PLCL1: variants seen among roughly 807,000 people sequenced by gnomAD.
PLCL1 encodes inactive phospholipase C-like protein 1.
PLCL1 carries 41 observed loss-of-function variants against 84.4 expected under a neutral mutation model. That is an observed-to-expected ratio of 0.49 (90% CI 0.38 to 0.63). The LOEUF (loss-of-function observed/expected upper bound fraction) is 0.63. Ranked by LOEUF, PLCL1 falls within the 30% of genes least tolerant of loss-of-function variation. The pLI, the probability that PLCL1 is intolerant of heterozygous loss-of-function variation, is 0.00. For missense variants in PLCL1, 1,206 were observed against 1,367.8 expected (o/e 0.88, Z 1.87); for synonymous variants, 490 against 488.3 (o/e 1.00, Z -0.05).
intron 1 of PLCL1, chr2:197,810,437 G>C: frequency 2.6e-6 from 1 of 377,886 alleles, no homozygotes; most frequent in Middle Eastern, 8.8e-4. Context: ...ATATATTAAG[G>C]CTAAAAAAAG....
chr2:197,887,989 G>A (rs1687952217), intron 1 of PLCL1, among the ~76,000 whole-genome samples: 1 of 151,986 alleles, frequency 6.6e-6, no homozygotes, highest in Non-Finnish European at 1.5e-5. Flanking sequence ...GTACTTGGGA[G>A]GCTGAAGTAG....
At chr2:197,897,098 CCTTCTT>C (rs1156287674) in intron 1 of PLCL1, among the ~76,000 whole-genome samples, 22 of 117,874 alleles carry the variant, frequency 1.9e-4, no homozygotes, top group East Asian at 3.0e-4. Context: ...AAGTATGACT[CCTTCTT>C]CTTCTTCTTC....
At chr2:197,896,189 A>T (rs1161460685) in intron 1 of PLCL1, among the ~76,000 whole-genome samples, 1 of 151,928 alleles carries the variant, frequency 6.6e-6, no homozygotes, top group Admixed American at 6.6e-5. Context: ...TTCTGTTAAT[A>T]CTCTGAATTT....
At chr2:198,021,608 A>G (rs1456574875) in intron 1 of PLCL1, among the ~76,000 whole-genome samples, 1 of 152,240 alleles carries the variant, frequency 6.6e-6, no homozygotes, top group Non-Finnish European at 1.5e-5. Context: ...GGAGAATACT[A>G]TAAACACCTC....
chr2:198,133,907 G>T (rs1292173641), intron 5 of PLCL1, among the ~76,000 whole-genome samples: 1 of 152,174 alleles, frequency 6.6e-6, no homozygotes, highest in Non-Finnish European at 1.5e-5. Context: ...TATATCAGAT[G>T]CAATTCCTGA....
At chr2:197,923,315 C>A (rs1237955622) in intron 1 of PLCL1, among the ~76,000 whole-genome samples, 1 of 148,660 alleles carries the variant, frequency 6.7e-6, no homozygotes, top group African/African-American at 2.5e-5. Flanking sequence ...CTCCTCACTT[C>A]CCAGATGGGG....
chr2:197,943,196 CAAAAAAAAAA>C (rs869096042), intron 1 of PLCL1, among the ~76,000 whole-genome samples: 1 of 104,956 alleles, frequency 9.5e-6, no homozygotes, highest in Non-Finnish European at 2.0e-5. Context: ...GACCCTCTCT[CAAAAAAAAAA>C]AAAAAAAAAA....
chr2:197,822,543 C>T (rs1239454317), intron 1 of PLCL1, among the ~76,000 whole-genome samples: 1 of 152,168 alleles, frequency 6.6e-6, no homozygotes, highest in Non-Finnish European at 1.5e-5. Context: ...GTTCCAGACA[C>T]TGTTCTAAGC....
intron 1 of PLCL1, among the ~76,000 whole-genome samples, chr2:197,947,724 C>T (rs1181798234): frequency 6.6e-6 from 1 of 152,152 alleles, no homozygotes; most frequent in African/African-American, 2.4e-5. Context: ...TGATTATCCT[C>T]TGCTCTGAGT....
intron 1 of PLCL1, among the ~76,000 whole-genome samples, chr2:197,815,004 A>T (rs1212058627): frequency 6.6e-6 from 1 of 152,212 alleles, no homozygotes; most frequent in Non-Finnish European, 1.5e-5. Context: ...AAGGTGAAGC[A>T]GCAAGTGCTG....
At chr2:197,867,822 G>A (rs901103003) in intron 1 of PLCL1, among the ~76,000 whole-genome samples, 8 of 152,108 alleles carry the variant, frequency 5.3e-5, no homozygotes, top group African/African-American at 1.9e-4. Context: ...CAATTCCTTA[G>A]AGATGTCACT....
intron 1 of PLCL1, among the ~76,000 whole-genome samples, chr2:198,069,899 A>C (rs895865036): frequency 6.6e-6 from 1 of 152,192 alleles, no homozygotes; most frequent in Non-Finnish European, 1.5e-5. Flanking sequence ...AGTTCAGATA[A>C]GGACCCTCTA....
Position 198,078,960 on chromosome 2 carries a change from A to G in PLCL1, c.241-4798A>G, listed in dbSNP as rs140936495. On this transcript the variant is annotated intron_variant, in intron 1 of 5. Coordinates refer to ENST00000428675, the MANE Select transcript of PLCL1 (RefSeq NM_006226.4). ...TAAGTACATAACCATTTCTAAGTGTATAAGCATTAGGTAGATTCACATTTT... is the reference window on the plus strand; with the variant it reads ...TAAGTACATAACCATTTCTAAGTGTGTAAGCATTAGGTAGATTCACATTTT... 3.2e-3 allele frequency among the ~76,000 whole-genome samples: 492 copies of G among 152,206 alleles called. 2 individuals are homozygous for G. Among genetic ancestry groups the G allele is most frequent in the African/African-American group, 0.011 (466 of 41,560 alleles).
intron 5 of PLCL1, among the ~76,000 whole-genome samples, chr2:198,138,253 T>A (rs558970125): frequency 6.6e-6 from 1 of 152,120 alleles, no homozygotes; most frequent in Non-Finnish European, 1.5e-5. Flanking sequence ...GAACTTACAG[T>A]CATGGCATAA....
chr2:197,827,597 A>ATAAT (rs2308200), intron 1 of PLCL1, among the ~76,000 whole-genome samples: 110,226 of 151,608 alleles, frequency 0.73, 41,152 homozygotes, highest in African/African-American at 0.9. Flanking sequence ...AGGTTAAAAA[A>ATAAT]TAAATCCATT....
At chr2:197,866,225 G>A (rs1293357092) in intron 1 of PLCL1, among the ~76,000 whole-genome samples, 2 of 139,664 alleles carry the variant, frequency 1.4e-5, no homozygotes, top group Admixed American at 7.4e-5. Flanking sequence ...TTTAAGAAAT[G>A]AGCAAAAATG....
intron 1 of PLCL1, among the ~76,000 whole-genome samples, chr2:197,815,308 T>C (rs1690665358): frequency 6.6e-6 from 1 of 152,174 alleles, no homozygotes; most frequent in Non-Finnish European, 1.5e-5. Context: ...CAACAAAGCC[T>C]GGATGACAGC....
chr2:197,922,797 C>G (rs1688734836), intron 1 of PLCL1, among the ~76,000 whole-genome samples: 1 of 133,930 alleles, frequency 7.5e-6, no homozygotes, highest in Non-Finnish European at 1.7e-5. Context: ...CACCTCCCTC[C>G]CGGACGGGGC....
intron 1 of PLCL1, among the ~76,000 whole-genome samples, chr2:197,849,641 A>C (rs1210444292): frequency 6.6e-6 from 1 of 150,928 alleles, no homozygotes; most frequent in Non-Finnish European, 1.5e-5. Flanking sequence ...TAAAAGGAGA[A>C]TGGCATTTAA....
Sources: gnomAD v4.1 joint callset for allele counts (sites outside exome capture counted in the v4.1 genomes callset) on GRCh38, gnomAD v4.1.1 for gene constraint, MANE v1.5 for transcripts, NCBI Gene and HGNC (gene_info 2026-07-23, HGNC 2026-07-21) for gene names.